The following ICA1L variants were observed in gnomAD, a reference collection of about 807,000 sequenced individuals.
The protein encoded by ICA1L is islet cell autoantigen 1 like.
Under a neutral mutation model 61.3 loss-of-function variants are expected in ICA1L, and 50 were observed. The ratio of observed to expected loss-of-function variants is 0.82; its 90% confidence interval spans 0.65 to 1.03. ICA1L has a LOEUF of 1.03. ICA1L is among the 50% of genes least tolerant of loss of function. The pLI is 0.00. For synonymous variants in ICA1L, 161 were observed against 191.3 expected (o/e 0.84, Z 1.31); for missense variants, 508 against 556.7 (o/e 0.91, Z 0.88).
At chr2:202,808,738 A>T (rs1300299146) in intron 9 of ICA1L, among the ~76,000 whole-genome samples, 1 of 152,234 alleles carries the variant, frequency 6.6e-6, no homozygotes, top group Non-Finnish European at 1.5e-5. Flanking sequence ...TGGGTAATAC[A>T]GGGAATTCTC....
chr2:202,812,286 C>T (rs1309897440), intron 8 of ICA1L, among the ~76,000 whole-genome samples: 1 of 152,100 alleles, frequency 6.6e-6, no homozygotes, highest in African/African-American at 2.4e-5. Flanking sequence ...AAAGTTAAGA[C>T]AAAGAAATAG....
At chr2:202,851,707 C>G (rs988890882) in intron 1 of ICA1L, among the ~76,000 whole-genome samples, 9 of 152,190 alleles carry the variant, frequency 5.9e-5, no homozygotes, top group Non-Finnish European at 1.0e-4. Flanking sequence ...GCCATTCTAA[C>G]TGGTGTCAGA....
At chr2:202,794,366 TCAA>T (rs942810281) in intron 10 of ICA1L, among the ~76,000 whole-genome samples, 3 of 124,332 alleles carry the variant, frequency 2.4e-5, no homozygotes, top group African/African-American at 5.7e-5. Context: ...AAAAAAAAAA[TCAA>T]CAACCATTCC....
At chr2:202,861,661 C>T (rs1176973940) in intron 1 of ICA1L, among the ~76,000 whole-genome samples, 6 of 150,944 alleles carry the variant, frequency 4.0e-5, no homozygotes, top group Admixed American at 6.6e-5. Flanking sequence ...CTGAGGCGGG[C>T]GGATCACTTG....
At chr2:202,785,749 C>CTT (rs1692560215) in intron 12 of ICA1L, among the ~76,000 whole-genome samples, 169 bp downstream of exon 12, 1 of 152,138 alleles carries the variant, frequency 6.6e-6, no homozygotes, top group African/African-American at 2.4e-5. Context: ...CTATTCAATG[C>CTT]TTTCCATATT....
At chr2:202,825,944 C>T (rs1228462112) in intron 2 of ICA1L, among the ~76,000 whole-genome samples, 177 bp from the exon 3 acceptor site, 1 of 152,168 alleles carries the variant, frequency 6.6e-6, no homozygotes, top group Non-Finnish European at 1.5e-5. Flanking sequence ...GTAGAAAGCA[C>T]ATTCCCCCAT....
At position 202,773,727 on chromosome 2, in the gene ICA1L, T is replaced by C. The variant is rs1692126204; in HGVS notation, c.*5806A>G. The C allele has an allele frequency of 8.3e-7, 1 of 1,198,162 alleles. No individual in the cohort carries two copies. Among genetic ancestry groups the C allele is most frequent in the Non-Finnish European group, 1.2e-6 (1 of 808,002 alleles). The allele number at this position is 1,198,162 out of a possible 1,614,324, so 74.2% of individuals were successfully genotyped here. Reference sequence around the variant, plus strand: ...ATATTGACTCTAGTTGCATCAGTTATGCATGAAGAGTTTAATAACCATCCA... The same window carrying C: ...ATATTGACTCTAGTTGCATCAGTTACGCATGAAGAGTTTAATAACCATCCA... On this transcript the variant is annotated 3_prime_UTR_variant, in exon 13 of 13. Coordinates refer to ENST00000358299, the MANE Select transcript of ICA1L (RefSeq NM_001288622.3).
At chr2:202,779,992 G>T (rs1692349205) in intron 12 of ICA1L, among the ~76,000 whole-genome samples, 1 of 151,900 alleles carries the variant, frequency 6.6e-6, no homozygotes, top group Non-Finnish European at 1.5e-5. Flanking sequence ...CTTTGATGAG[G>T]TGCCTATATT....
At chr2:202,865,592 T>G (rs750262000) in intron 1 of ICA1L, among the ~76,000 whole-genome samples, 1 of 152,108 alleles carries the variant, frequency 6.6e-6, no homozygotes, top group Non-Finnish European at 1.5e-5. Context: ...TCACACCACT[T>G]CCACATTTAA....
chr2:202,781,592 A>G (rs2105814664), intron 12 of ICA1L, among the ~76,000 whole-genome samples: 1 of 145,052 alleles, frequency 6.9e-6, no homozygotes, highest in African/African-American at 2.5e-5. Context: ...AAAAAAAAAG[A>G]CTCCTCCTCT....
intron 12 of ICA1L, among the ~76,000 whole-genome samples, chr2:202,780,186 T>TTATTA (rs1362221110): frequency 6.6e-6 from 1 of 152,192 alleles, no homozygotes; most frequent in Non-Finnish European, 1.5e-5. Flanking sequence ...TGATTTATGT[T>TTATTA]TATTATAAAA....
chr2:202,786,086 A>C, intron 11 of ICA1L, 79 bp from the exon 12 acceptor site: 1 of 787,176 alleles, frequency 1.3e-6, no homozygotes, highest in Non-Finnish European at 2.2e-6. Context: ...AGGTAAAAAT[A>C]TCTAAGTCCT....
At chr2:202,834,325 A>G (rs1208912733) in intron 1 of ICA1L, among the ~76,000 whole-genome samples, 1 of 152,152 alleles carries the variant, frequency 6.6e-6, no homozygotes, top group African/African-American at 2.4e-5. Flanking sequence ...TCTTCACATT[A>G]TATAACTTTA....
intron 10 of ICA1L, among the ~76,000 whole-genome samples, chr2:202,793,458 A>G (rs1332148655): frequency 7.0e-6 from 1 of 143,052 alleles, no homozygotes; most frequent in Non-Finnish European, 1.5e-5. Flanking sequence ...GGAGTTCAAG[A>G]CCAGCATGGC....
chr2:202,837,104 A>T (rs1296107693), intron 1 of ICA1L, among the ~76,000 whole-genome samples: 5 of 151,966 alleles, frequency 3.3e-5, no homozygotes, highest in Non-Finnish European at 7.4e-5. Context: ...GGCCTCCCAA[A>T]GTGCTGGGAT....
rs551041863 is a variant in ICA1L at position 202,818,950 on chromosome 2, A to G, written c.558+751T>C. Among the ~76,000 whole-genome samples, 10 of 152,366 alleles carry G rather than the reference A, an allele frequency of 6.6e-5. No individual in the cohort carries two copies. The South Asian group carries it at 1.4e-3, about 22-fold the overall frequency. ...TTAAGTGGCATTTAGTGCATTCGCA[A>G]TGTTGTTCAATCACTCCCTTGGACT... is the stretch of plus-strand genomic sequence containing the variant. On this transcript the variant is annotated intron_variant, in intron 5 of 12. Transcript: ENST00000358299.
At chr2:202,841,029 C>G in intron 1 of ICA1L, 1 of 662,684 alleles carries the variant, frequency 1.5e-6, no homozygotes, top group Admixed American at 1.8e-5. Flanking sequence ...CAGGGAGTGG[C>G]TGTTGTTCAT....
intron 11 of ICA1L, among the ~76,000 whole-genome samples, chr2:202,788,315 T>C (rs1465775732): frequency 1.3e-5 from 2 of 152,002 alleles, no homozygotes; most frequent in African/African-American, 4.8e-5. Context: ...AGTGGGAAAT[T>C]TGAGACAGGT....
intron 11 of ICA1L, 22 bp from the exon 12 acceptor site, chr2:202,786,029 T>C: frequency 7.3e-7 from 1 of 1,367,952 alleles, no homozygotes; most frequent in East Asian, 2.3e-5. Flanking sequence ...GAAGTAAAAA[T>C]TGTCCATTGT....
Sources: allele counts gnomAD v4.1 joint callset (sites outside exome capture counted in the v4.1 genomes callset), GRCh38; gene constraint gnomAD v4.1.1; transcripts MANE v1.5; gene names NCBI Gene and HGNC (gene_info 2026-07-23, HGNC 2026-07-21).